The following PRKN variants were observed in gnomAD, a reference collection of about 807,000 sequenced individuals.
PRKN encodes the protein parkin RBR E3 ubiquitin protein ligase, also known as E3 ubiquitin-protein ligase parkin.
A neutral mutation model predicts 59.5 loss-of-function variants in PRKN; 56 were observed. That is an observed-to-expected ratio of 0.94 (90% CI 0.76 to 1.18). The LOEUF is 1.18. PRKN is among the 50% of genes most tolerant of loss of function. The pLI is 0.00. For synonymous variants in PRKN, 250 were observed against 222.1 expected (o/e 1.13, Z -1.12); for missense variants, 657 against 596.4 (o/e 1.10, Z -1.06).
At chr6:162,017,815 C>T (rs890091180) in intron 5 of PRKN, among the ~76,000 whole-genome samples, 10 of 152,066 alleles carry the variant, frequency 6.6e-5, no homozygotes, top group Non-Finnish European at 7.4e-5. Flanking sequence ...TGTCACTTAG[C>T]GTTTCTATTT....
chr6:161,942,301 C>A (rs1779594334), intron 6 of PRKN, among the ~76,000 whole-genome samples: 2 of 152,138 alleles, frequency 1.3e-5, no homozygotes, highest in Non-Finnish European at 2.9e-5. Flanking sequence ...GAGGCCGAGG[C>A]AGGTGGATCG....
In PRKN at chr6:162,628,055, A is replaced by G. The variant is rs548728224; in HGVS notation, c.7+99607T>C. ...CGACAGAAGAAAATACATAAGGACT[A>G]TAACAGTCTTTAGAGGTAGCAATAA... is the stretch of plus-strand genomic sequence containing the variant. On this transcript the variant is annotated intron_variant, in intron 1 of 11. Transcript: ENST00000366898. Among the ~76,000 whole-genome samples, 8 of 152,290 alleles carry G rather than the reference A, an allele frequency of 5.3e-5. No individual in the cohort carries two copies. In the East Asian group the frequency reaches 1.5e-3, roughly 29 times the overall value.
intron 1 of PRKN, among the ~76,000 whole-genome samples, chr6:162,702,170 A>G (rs1300974529): frequency 1.3e-5 from 2 of 152,192 alleles, no homozygotes; most frequent in Non-Finnish European, 2.9e-5. Context: ...ACATTTATTT[A>G]AAATCTGCAT....
intron 5 of PRKN, among the ~76,000 whole-genome samples, chr6:161,992,055 G>A (rs1199610666): frequency 6.6e-6 from 1 of 151,912 alleles, no homozygotes; most frequent in Non-Finnish European, 1.5e-5. Context: ...AAGAGACAAA[G>A]AAGGCTGGGC....
At chr6:161,512,914 A>G (rs1327969541) in intron 9 of PRKN, among the ~76,000 whole-genome samples, 1 of 152,208 alleles carries the variant, frequency 6.6e-6, no homozygotes, top group Non-Finnish European at 1.5e-5. Flanking sequence ...TGCTGATGAT[A>G]TTCCATAACA....
intron 3 of PRKN, among the ~76,000 whole-genome samples, chr6:162,208,152 A>C (rs1014725522): frequency 1.5e-4 from 23 of 152,328 alleles, no homozygotes; most frequent in Middle Eastern, 3.4e-3. Context: ...ATTCTAAAGG[A>C]AGACAGTTAT....
chr6:161,883,340 A>G (rs1474010484), intron 6 of PRKN, among the ~76,000 whole-genome samples: 2 of 151,828 alleles, frequency 1.3e-5, no homozygotes, highest in Non-Finnish European at 2.9e-5. Context: ...CATCTCTACT[A>G]AAAATACAAA....
At chr6:162,194,405 T>C (rs1240475210) in intron 4 of PRKN, among the ~76,000 whole-genome samples, 1 of 152,188 alleles carries the variant, frequency 6.6e-6, no homozygotes, top group African/African-American at 2.4e-5. Context: ...ATGGTATCCA[T>C]ATGAGGTGTG....
rs934716910 is a variant in PRKN, at chr6:161,416,163, G to T, written c.1084-29286C>A. Among the ~76,000 whole-genome samples, 10 of 152,056 alleles carry T rather than the reference G, an allele frequency of 6.6e-5. 1 individual carries two copies. Among genetic ancestry groups the T allele is most frequent in the African/African-American group, 2.4e-4 (10 of 41,348 alleles). On this transcript the variant is annotated intron_variant, in intron 9 of 11. Coordinates refer to ENST00000366898, the MANE Select transcript of PRKN (RefSeq NM_004562.3). ...ACCACTTTACAATCACATTTTACTG[G>T]GACACAGCCACACCTTTTGGTTCGT...
chr6:162,717,780 C>A (rs1778784940), intron 1 of PRKN, among the ~76,000 whole-genome samples: 1 of 152,162 alleles, frequency 6.6e-6, no homozygotes, highest in South Asian at 2.1e-4. Flanking sequence ...CCTGAAAACA[C>A]TACTTTTATG....
chr6:162,214,367 T>C (rs1449404727), intron 3 of PRKN, among the ~76,000 whole-genome samples: 1 of 152,160 alleles, frequency 6.6e-6, no homozygotes, highest in Non-Finnish European at 1.5e-5. Flanking sequence ...GACTGCCTCC[T>C]CTCCTTTCTT....
intron 1 of PRKN, among the ~76,000 whole-genome samples, chr6:162,533,610 T>C (rs908023603): frequency 6.6e-6 from 1 of 152,138 alleles, no homozygotes; most frequent in Non-Finnish European, 1.5e-5. Context: ...TGGCTTCAAA[T>C]GCGGGTTTTA....
intron 1 of PRKN, among the ~76,000 whole-genome samples, chr6:162,464,970 T>C (rs1441004974): frequency 6.6e-6 from 1 of 152,148 alleles, no homozygotes; most frequent in Non-Finnish European, 1.5e-5. Flanking sequence ...TCAACAGCCA[T>C]GGCGATCTCA....
intron 1 of PRKN, among the ~76,000 whole-genome samples, chr6:162,648,528 T>A (rs1778289101): frequency 6.6e-6 from 1 of 152,094 alleles, no homozygotes; most frequent in African/African-American, 2.4e-5. Flanking sequence ...ATTACAAGCA[T>A]GTGCCACCAC....
intron 2 of PRKN, among the ~76,000 whole-genome samples, chr6:162,347,313 AG>A (rs1309224902): frequency 7.1e-6 from 1 of 141,252 alleles, no homozygotes; most frequent in African/African-American, 2.7e-5. Flanking sequence ...CACATGTAAA[AG>A]GATCAATTTT....
chr6:162,615,478 G>A (rs1001616984), intron 1 of PRKN, among the ~76,000 whole-genome samples: 1 of 151,848 alleles, frequency 6.6e-6, no homozygotes, highest in African/African-American at 2.4e-5. Context: ...ACAGACCTAT[G>A]TACACCCTTG....
intron 2 of PRKN, among the ~76,000 whole-genome samples, chr6:162,283,249 G>A (rs2128106917): frequency 6.6e-6 from 1 of 152,098 alleles, no homozygotes; most frequent in South Asian, 2.1e-4. Flanking sequence ...ATATATTTGT[G>A]CTTTCTAACT....
intron 6 of PRKN, among the ~76,000 whole-genome samples, chr6:161,972,298 C>T (rs1431100257): frequency 1.3e-5 from 2 of 150,142 alleles, no homozygotes; most frequent in African/African-American, 2.4e-5. Flanking sequence ...AAAAAGAGTT[C>T]TTCCTGATAT....
chr6:161,427,856 G>A (rs1450757732), intron 9 of PRKN, among the ~76,000 whole-genome samples: 1 of 152,138 alleles, frequency 6.6e-6, no homozygotes, highest in African/African-American at 2.4e-5. Flanking sequence ...GTGGCTCAGC[G>A]ATTTGCACTG....
Sources: allele counts gnomAD v4.1 joint callset (sites outside exome capture counted in the v4.1 genomes callset), GRCh38; gene constraint gnomAD v4.1.1; transcripts MANE v1.5; gene names NCBI Gene and HGNC (gene_info 2026-07-23, HGNC 2026-07-21).